Variants in NELL1 observed in about 807,000 individuals in gnomAD.
NELL1 encodes neural EGFL like 1, also known as protein kinase C-binding protein NELL1.
A neutral mutation model predicts 107.4 loss-of-function variants in NELL1; 76 were observed. The observed-to-expected ratio is 0.71, with a 90% CI of 0.59 to 0.86. The LOEUF is 0.86. NELL1 is among the 40% of genes least tolerant of loss of function. The pLI is 0.00. For missense variants in NELL1, 1,024 were observed against 1,005.5 expected (o/e 1.02, Z -0.25); for synonymous variants, 353 against 341.2 (o/e 1.03, Z -0.38).
chr11:21,459,164 G>A (rs1853831094), intron 15 of NELL1, among the ~76,000 whole-genome samples: 1 of 151,870 alleles, frequency 6.6e-6, no homozygotes. Context: ...GTCACTGTGG[G>A]GACATTGAGG....
intron 13 of NELL1, among the ~76,000 whole-genome samples, chr11:21,206,173 T>A (rs1001428524): frequency 3.9e-5 from 6 of 152,158 alleles, no homozygotes; most frequent in Non-Finnish European, 8.8e-5. Context: ...GGTCAACAGG[T>A]CATACTCTCT....
At chr11:21,279,861 A>G (rs1848953050) in intron 14 of NELL1, among the ~76,000 whole-genome samples, 1 of 152,230 alleles carries the variant, frequency 6.6e-6, no homozygotes, top group Non-Finnish European at 1.5e-5. Context: ...TTACATCTAG[A>G]CAATGGAATA....
intron 9 of NELL1, among the ~76,000 whole-genome samples, chr11:20,934,475 A>C (rs1249480425): frequency 6.6e-6 from 1 of 152,210 alleles, no homozygotes; most frequent in Non-Finnish European, 1.5e-5. Context: ...TGTGAATGTA[A>C]ACAATGAGGC....
intron 2 of NELL1, among the ~76,000 whole-genome samples, chr11:20,731,465 G>A (rs575237753): frequency 6.6e-6 from 1 of 152,318 alleles, no homozygotes; most frequent in Admixed American, 6.5e-5. Context: ...GCGTCACTGT[G>A]AGTGTGTGCA....
chr11:21,405,056 T>C (rs998096448), intron 15 of NELL1, among the ~76,000 whole-genome samples: 4 of 152,062 alleles, frequency 2.6e-5, no homozygotes, highest in African/African-American at 9.6e-5. Flanking sequence ...GGTTTGGGGT[T>C]AAAATTCTAT....
intron 2 of NELL1, among the ~76,000 whole-genome samples, chr11:20,718,186 G>T (rs968019454): frequency 6.6e-6 from 1 of 152,130 alleles, no homozygotes; most frequent in African/African-American, 2.4e-5. Flanking sequence ...AGAACTTTCT[G>T]TGATGATGGA....
chr11:20,871,755 C>T (rs1214731018), intron 4 of NELL1, among the ~76,000 whole-genome samples: 2 of 151,890 alleles, frequency 1.3e-5, no homozygotes, highest in Non-Finnish European at 2.9e-5. Context: ...CGTGGTGGCT[C>T]ACACCTGTAA....
chr11:20,777,814 T>A (rs1481760893), intron 2 of NELL1, among the ~76,000 whole-genome samples: 1 of 132,454 alleles, frequency 7.5e-6, no homozygotes, highest in Admixed American at 6.8e-5. Flanking sequence ...GCGGGCTGCC[T>A]TGGTGCATTT....
chr11:21,458,896 C>T (rs573578863), intron 15 of NELL1, among the ~76,000 whole-genome samples: 1 of 151,472 alleles, frequency 6.6e-6, no homozygotes, highest in East Asian at 2.0e-4. Context: ...TCACCATCAC[C>T]ATCATCATTT....
intron 15 of NELL1, among the ~76,000 whole-genome samples, chr11:21,441,690 T>C (rs980548011): frequency 7.2e-5 from 11 of 152,252 alleles, no homozygotes; most frequent in Middle Eastern, 3.4e-3. Context: ...AGTTTGACAC[T>C]TTAATTTATT....
chr11:21,100,112 G>T (rs960909039), intron 12 of NELL1, among the ~76,000 whole-genome samples: 3 of 151,824 alleles, frequency 2.0e-5, no homozygotes, highest in Non-Finnish European at 2.9e-5. Context: ...CACTTCCCGG[G>T]TTCAACTGAT....
chr11:20,870,528 C>T (rs1444641970), intron 4 of NELL1, among the ~76,000 whole-genome samples: 2 of 151,968 alleles, frequency 1.3e-5, no homozygotes, highest in African/African-American at 4.8e-5. Flanking sequence ...TCAGTCATCT[C>T]AGTGATTTTC....
chr11:21,313,616 G>T (rs1429569327), intron 14 of NELL1, among the ~76,000 whole-genome samples: 1 of 152,252 alleles, frequency 6.6e-6, no homozygotes, highest in East Asian at 1.9e-4. Flanking sequence ...CAGTTCTAGA[G>T]GCTGGGAAGT....
intron 13 of NELL1, among the ~76,000 whole-genome samples, chr11:21,218,499 A>G (rs1388622059): frequency 6.6e-6 from 1 of 152,164 alleles, no homozygotes; most frequent in Non-Finnish European, 1.5e-5. Flanking sequence ...AGGAAAATTC[A>G]AAATTCTATT....
At chr11:20,749,384 A>G (rs565821767) in intron 2 of NELL1, among the ~76,000 whole-genome samples, 1 of 152,202 alleles carries the variant, frequency 6.6e-6, no homozygotes, top group South Asian at 2.1e-4. Context: ...TGGATGCTTG[A>G]GCCCAGGAGT....
intron 2 of NELL1, among the ~76,000 whole-genome samples, chr11:20,747,267 T>C (rs562696846): frequency 7.5e-4 from 115 of 152,362 alleles, no homozygotes; most frequent in African/African-American, 2.7e-3. Context: ...ATACATTTTA[T>C]TAGTGGAAAC....
At chr11:20,897,091 G>A (rs1319147377) in intron 5 of NELL1, among the ~76,000 whole-genome samples, 1 of 152,162 alleles carries the variant, frequency 6.6e-6, no homozygotes, top group Non-Finnish European at 1.5e-5. Flanking sequence ...CTAAAAAAGA[G>A]CCCGCATTGC....
intron 13 of NELL1, among the ~76,000 whole-genome samples, chr11:21,144,191 A>G (rs969197462): frequency 7.9e-5 from 12 of 152,172 alleles, no homozygotes; most frequent in South Asian, 2.1e-4. Flanking sequence ...AGTCAAGTGC[A>G]TTGCAATGTT....
chr11:21,027,886 G>A (rs1478401922), intron 12 of NELL1, among the ~76,000 whole-genome samples: 1 of 152,098 alleles, frequency 6.6e-6, no homozygotes, highest in Non-Finnish European at 1.5e-5. Flanking sequence ...GGGCCTGGCA[G>A]TGGAGAAGAT....
Sources: allele counts gnomAD v4.1 joint callset (sites outside exome capture counted in the v4.1 genomes callset), GRCh38; gene constraint gnomAD v4.1.1; transcripts MANE v1.5; gene names NCBI Gene and HGNC (gene_info 2026-07-23, HGNC 2026-07-21).